GRM1: variants seen among roughly 807,000 people sequenced by gnomAD.
GRM1 encodes metabotropic glutamate receptor 1.
GRM1 carries 33 observed loss-of-function variants against 90.9 expected under a neutral mutation model. That is an observed-to-expected ratio of 0.36 (90% confidence interval 0.28 to 0.49). The LOEUF is 0.49. GRM1 is among the 20% of genes least tolerant of loss of function. The pLI is 0.99. For missense variants in GRM1, 1,190 were observed against 1,534.3 expected (o/e 0.78, Z 3.75); for synonymous variants, 700 against 613.2 (o/e 1.14, Z -2.09).
chr6:146,321,927 G>A (rs1784203922), intron 3 of GRM1, among the ~76,000 whole-genome samples: 1 of 152,152 alleles, frequency 6.6e-6, no homozygotes, highest in East Asian at 1.9e-4. Context: ...CAATTTGCCA[G>A]TCTGTGTCTT....
chr6:146,417,170 A>G (rs1239663321), intron 7 of GRM1, among the ~76,000 whole-genome samples: 1 of 152,188 alleles, frequency 6.6e-6, no homozygotes, highest in Non-Finnish European at 1.5e-5. Flanking sequence ...TCCAAGGGGA[A>G]AAACAGCTTG....
intron 5 of GRM1, among the ~76,000 whole-genome samples, chr6:146,377,573 T>G (rs1248697628): frequency 6.6e-6 from 1 of 152,114 alleles, no homozygotes; most frequent in East Asian, 1.9e-4. Flanking sequence ...GATAAAAGTT[T>G]GGAAGATTTG....
chr6:146,254,488 G>C (rs1469707081), intron 2 of GRM1, among the ~76,000 whole-genome samples: 1 of 152,098 alleles, frequency 6.6e-6, no homozygotes, highest in African/African-American at 2.4e-5. Context: ...TTATTAAATT[G>C]ATGACTTTTG....
At chr6:146,411,901 G>A (rs984814198) in intron 7 of GRM1, among the ~76,000 whole-genome samples, 3 of 152,088 alleles carry the variant, frequency 2.0e-5, no homozygotes. Context: ...AAGGAGGAGA[G>A]CAGAGAAAAG....
At chr6:146,088,469 T>C (rs1776616224) in intron 1 of GRM1, among the ~76,000 whole-genome samples, 1 of 152,130 alleles carries the variant, frequency 6.6e-6, no homozygotes, top group South Asian at 2.1e-4. Context: ...TTTGAGTGAT[T>C]GGAGCTGTAA....
intron 3 of GRM1, among the ~76,000 whole-genome samples, chr6:146,323,790 A>T (rs1328104658): frequency 2.0e-5 from 3 of 152,202 alleles, no homozygotes; most frequent in Admixed American, 6.5e-5. Context: ...GAAGGGATCC[A>T]GTTTCAGCTT....
intron 2 of GRM1, among the ~76,000 whole-genome samples, chr6:146,167,189 A>C (rs761550443): frequency 9.2e-5 from 14 of 152,144 alleles, no homozygotes; most frequent in Non-Finnish European, 1.8e-4. Context: ...AATACTTTTG[A>C]GATTCCTTCA....
chr6:146,235,532 AG>A (rs1191890428), intron 2 of GRM1, among the ~76,000 whole-genome samples: 1 of 151,828 alleles, frequency 6.6e-6, no homozygotes, highest in Non-Finnish European at 1.5e-5. Context: ...TATGCATGTT[AG>A]GTTGTTTGGT....
At chr6:146,129,720 T>G (rs1231065238) in intron 1 of GRM1, among the ~76,000 whole-genome samples, 1 of 152,136 alleles carries the variant, frequency 6.6e-6, no homozygotes, top group Non-Finnish European at 1.5e-5. Flanking sequence ...GGGTCTGTTT[T>G]GCGTGGTCAT....
At chr6:146,280,868 A>G (rs1052566211) in intron 2 of GRM1, among the ~76,000 whole-genome samples, 2 of 152,020 alleles carry the variant, frequency 1.3e-5, no homozygotes, top group Non-Finnish European at 2.9e-5. Context: ...CCTCAAGGGA[A>G]GTCTCCAGCC....
chr6:146,396,789 A>G (rs572103424), intron 6 of GRM1, among the ~76,000 whole-genome samples: 9 of 152,360 alleles, frequency 5.9e-5, no homozygotes, highest in Non-Finnish European at 1.0e-4. Context: ...ATTTATTGAC[A>G]TAATAAAAAG....
At chr6:146,309,190 G>T (rs1280636683) in intron 3 of GRM1, among the ~76,000 whole-genome samples, 2 of 152,030 alleles carry the variant, frequency 1.3e-5, no homozygotes, top group East Asian at 1.9e-4. Flanking sequence ...CTTGAGGTCA[G>T]GAGTTCGAGA....
At chr6:146,202,967 G>A (rs1259473947) in intron 2 of GRM1, among the ~76,000 whole-genome samples, 1 of 151,964 alleles carries the variant, frequency 6.6e-6, no homozygotes, top group African/African-American at 2.4e-5. Flanking sequence ...AGGCCAAGGC[G>A]GGCGGATCAC....
intron 2 of GRM1, among the ~76,000 whole-genome samples, chr6:146,293,156 T>G (rs1180524143): frequency 6.6e-6 from 1 of 151,982 alleles, no homozygotes; most frequent in Non-Finnish European, 1.5e-5. Flanking sequence ...GGTATGGGGT[T>G]GTATTTTGGG....
intron 1 of GRM1, among the ~76,000 whole-genome samples, chr6:146,067,772 G>T (rs997553587): frequency 6.6e-6 from 1 of 151,970 alleles, no homozygotes; most frequent in Non-Finnish European, 1.5e-5. Context: ...CAAAGATAAA[G>T]ACTTTGAAAG....
intron 1 of GRM1, among the ~76,000 whole-genome samples, chr6:146,088,852 C>T (rs137940948): frequency 4.6e-5 from 7 of 152,170 alleles, no homozygotes; most frequent in Admixed American, 1.3e-4. Flanking sequence ...AAATCAAGTG[C>T]TACATCCCTA....
intron 2 of GRM1, among the ~76,000 whole-genome samples, chr6:146,168,050 G>C (rs1777973673): frequency 6.6e-6 from 1 of 151,828 alleles, no homozygotes; most frequent in Admixed American, 6.6e-5. Flanking sequence ...TGTATATGTT[G>C]TGACATAAGG....
At chr6:146,400,548 A>G (rs1483433912) in intron 7 of GRM1, among the ~76,000 whole-genome samples, 1 of 152,212 alleles carries the variant, frequency 6.6e-6, no homozygotes, top group Non-Finnish European at 1.5e-5. Flanking sequence ...AGTTGTTTTT[A>G]TAATAAGCAC....
At chr6:146,066,754 T>C (rs1238389850) in intron 1 of GRM1, among the ~76,000 whole-genome samples, 6 of 140,282 alleles carry the variant, frequency 4.3e-5, no homozygotes, top group South Asian at 4.9e-4. Flanking sequence ...TACATAATAA[T>C]AGACAGACAG....
Sources: allele counts gnomAD v4.1 joint callset (sites outside exome capture counted in the v4.1 genomes callset), GRCh38; gene constraint gnomAD v4.1.1; transcripts MANE v1.5; gene names NCBI Gene and HGNC (gene_info 2026-07-23, HGNC 2026-07-21).